MRPL34: variants seen among roughly 807,000 people sequenced by gnomAD.
MRPL34 encodes mitochondrial ribosomal protein L34.
MRPL34 carries 8 observed loss-of-function variants against 6.7 expected under a neutral mutation model. The observed-to-expected ratio is 1.20, with a 90% CI of 0.70 to 2.16. MRPL34 has a LOEUF of 2.16. Among genes scored for constraint, MRPL34 ranks in the 30% most tolerant of loss-of-function variants. The pLI, the probability that MRPL34 is intolerant of heterozygous loss-of-function variation, is 0.00. For synonymous variants in MRPL34, 59 were observed against 55.1 expected, an observed-to-expected ratio of 1.07 and a Z score of -0.31; for missense variants, 146 against 125.5, an observed-to-expected ratio of 1.16 and a Z score of -0.78.
upstream of MRPL34, among the ~76,000 whole-genome samples, chr19:17,302,698 T>C (rs1425743095): frequency 1.3e-5 from 2 of 152,180 alleles, no homozygotes; most frequent in Admixed American, 1.3e-4. Context: ...GGATCTGCTA[T>C]ACAAGTCCCC....
intron 1 of MRPL34, among the ~76,000 whole-genome samples, chr19:17,297,590 A>G (rs972872659): frequency 6.6e-6 from 1 of 152,088 alleles, no homozygotes; most frequent in Non-Finnish European, 1.5e-5. Context: ...CACTGTGCCC[A>G]GCAGGTGGGT....
At chr19:17,294,958 C>T in intron 1 of MRPL34, 2 of 1,323,514 alleles carry the variant, frequency 1.5e-6, no homozygotes, top group Non-Finnish European at 2.1e-6. Flanking sequence ...CAGTTTTACT[C>T]TGTCCCCCAG....
chr19:17,305,739 G>T (rs982941037), upstream of MRPL34: 5 of 781,524 alleles, frequency 6.4e-6, no homozygotes, highest in Admixed American at 4.0e-5. Context: ...CCTCTGTTGC[G>T]CAGGCGCAGA....
upstream of MRPL34, chr19:17,300,929 G>A (rs550188531): frequency 6.2e-7 from 1 of 1,612,900 alleles, no homozygotes; most frequent in East Asian, 2.2e-5. Context: ...TCCTCAGCCA[G>A]CGCATAGAAG....
chr19:17,294,562 G>GC, intron 1 of MRPL34: 1 of 1,609,974 alleles, frequency 6.2e-7, no homozygotes, highest in Non-Finnish European at 8.5e-7. Flanking sequence ...GCCGTGGGGT[G>GC]CCCCCGATGC....
chr19:17,306,828 T>G lies in MRPL34; in HGVS notation c.*449T>G, dbSNP rs2074151429. On this transcript the variant is annotated 3_prime_UTR_variant, in exon 2 of 2. Coordinates refer to ENST00000252602, the MANE Select transcript of MRPL34 (RefSeq NM_023937.4). The stretch of plus-strand genomic sequence containing the variant: ...ATATTATTAAACGTGTAATAAATGT[T>G]CAAAGTTCCACTTGCCTTATATGTG... 1 of 152,698 alleles carries G rather than the reference T, an allele frequency of 6.5e-6. No homozygotes were observed. The allele number at this position is 152,698 out of a possible 1,614,324, so 9.5% of individuals were successfully genotyped here.
upstream of MRPL34, among the ~76,000 whole-genome samples, chr19:17,299,845 C>T (rs769496160): frequency 3.3e-5 from 5 of 151,286 alleles, no homozygotes; most frequent in Admixed American, 6.6e-5. Context: ...AACTCATCTC[C>T]AATGATCCAT....
Position 17,306,294 on chromosome 19 carries a change from G to A in MRPL34, c.194G>A (p.Gly65Asp). The A allele has an allele frequency of 6.2e-7, 1 of 1,610,172 alleles. No homozygotes were observed. The highest frequency in any genetic ancestry group is 8.5e-7 in the Non-Finnish European group (1 of 1,179,050). ...PSNIKRKNKH[G>D]WVRRLSTPAG... ...AACATCAAACGCAAGAACAAGCACG[G>A]CTGGGTCCGGCGCCTGAGCACGCCG... Residue 65 changes from glycine to aspartate, a missense_variant, in exon 2 of 2, where the codon GGC (glycine) becomes GAC (aspartate). Physicochemically the swap from Gly to Asp is moderately conservative, Grantham distance 94. Transcript: ENST00000252602.
In MRPL34 at chr19:17,306,416, A is replaced by G. The variant is rs1185140241; in HGVS notation, c.*37A>G. 1.3e-6 allele frequency: 2 copies of G among 1,525,186 alleles called. No homozygotes were observed. The highest frequency in any genetic ancestry group is 2.8e-5 in the African/African-American group (2 of 71,986). 94.5% of individuals were successfully genotyped at this position (1,525,186 alleles called of 1,614,324 possible). On this transcript the variant is annotated 3_prime_UTR_variant, in exon 2 of 2. Transcript: ENST00000252602. The stretch of plus-strand genomic sequence containing the variant: ...CAGTCGGCGGGACCCTCATGGAAGC[A>G]TCGCCCTCGCCTCGGACCTTGCCTG...
chr19:17,293,690 G>GT (rs56210466), intron 1 of MRPL34, among the ~76,000 whole-genome samples: 211 of 145,958 alleles, frequency 1.4e-3, no homozygotes, highest in Middle Eastern at 0.011. Flanking sequence ...AATGGTTTTT[G>GT]TTTTTTTTTT....
At chr19:17,298,052 C>G (rs867791891), upstream of MRPL34, 4 of 152,014 alleles carry the variant, frequency 2.6e-5, no homozygotes, top group Admixed American at 6.6e-5. Context: ...GTAGCTGGGA[C>G]TACAGGCGCC....
upstream of MRPL34, among the ~76,000 whole-genome samples, chr19:17,300,162 C>G (rs1022884250): frequency 9.3e-5 from 14 of 150,458 alleles, no homozygotes; most frequent in Non-Finnish European, 1.8e-4. Context: ...CCTCAGCCTC[C>G]CAAAGTGCTG....
chr19:17,293,348 C>T (rs1353054687), intron 1 of MRPL34, among the ~76,000 whole-genome samples: 3 of 151,900 alleles, frequency 2.0e-5, no homozygotes, highest in Non-Finnish European at 2.9e-5. Context: ...CTGCCCGCCT[C>T]GGTCTCCCAA....
At chr19:17,303,892 G>A (rs1599527694), upstream of MRPL34, among the ~76,000 whole-genome samples, 3 of 152,220 alleles carry the variant, frequency 2.0e-5, no homozygotes, top group Admixed American at 1.3e-4. Flanking sequence ...AAGGAGCAAA[G>A]CTGGGACTTG....
At chr19:17,294,782 G>C in intron 1 of MRPL34, 1 of 1,614,248 alleles carries the variant, frequency 6.2e-7, no homozygotes, top group South Asian at 1.1e-5. Context: ...CCCCGCCATT[G>C]ATCATGATCA....
upstream of MRPL34, among the ~76,000 whole-genome samples, chr19:17,301,982 T>C (rs1156425104): frequency 6.6e-6 from 1 of 152,068 alleles, no homozygotes; most frequent in African/African-American, 2.4e-5. Context: ...TTTGTAGAGA[T>C]GGGGTTTCAC....
chr19:17,293,979 C>G (rs1226554075), intron 1 of MRPL34, among the ~76,000 whole-genome samples: 1 of 152,082 alleles, frequency 6.6e-6, no homozygotes, highest in Non-Finnish European at 1.5e-5. Context: ...TATAGGTCAC[C>G]GGTCTCATAC....
chr19:17,302,052 C>G (rs533046884), upstream of MRPL34: 1 of 157,836 alleles, frequency 6.3e-6, no homozygotes, highest in South Asian at 1.9e-4. Context: ...CTTCGGCCTC[C>G]CAAAGTGCTG....
At chr19:17,300,222 G>A (rs946688940), upstream of MRPL34, among the ~76,000 whole-genome samples, 12 of 151,122 alleles carry the variant, frequency 7.9e-5, no homozygotes, top group Admixed American at 7.3e-4. Flanking sequence ...CTTTTTTAAA[G>A]AGCGACAGGT....
Sources: allele counts gnomAD v4.1 joint callset (sites outside exome capture counted in the v4.1 genomes callset), GRCh38; gene constraint gnomAD v4.1.1; transcripts MANE v1.5; gene names NCBI Gene and HGNC (gene_info 2026-07-23, HGNC 2026-07-21).